Variants in KRT5 observed in about 807,000 individuals in gnomAD.
KRT5 encodes the protein keratin 5.
In KRT5, 17 loss-of-function variants were observed where a neutral mutation model predicts 44.0. The observed-to-expected ratio is 0.39, with a 90% CI of 0.26 to 0.58. The LOEUF is 0.58. KRT5 is among the 20% of genes least tolerant of loss of function. The probability of loss-of-function intolerance (pLI) is 0.61; values close to 1 mark genes in which losing one functional copy is unlikely to be tolerated. For synonymous variants in KRT5, 329 were observed against 312.8 expected, an observed-to-expected ratio of 1.05 and a Z score of -0.55; for missense variants, 737 against 785.5, an observed-to-expected ratio of 0.94 and a Z score of 0.74.
chr12:52,519,646 A>T, intron 1 of KRT5, 96 bp downstream of exon 1: 1 of 1,265,840 alleles, frequency 7.9e-7, no homozygotes, highest in Middle Eastern at 2.6e-4. Context: ...ACAACTATAA[A>T]AGTATTTGCA....
At position 52,515,769 on chromosome 12, in the gene KRT5, G is replaced by A. The variant is rs373091255; in HGVS notation, c.1474+29C>T. ...ACTAAATATATCCCATATTATTGTCGTTGTTAATGTCTGTTCAAAGCTACT... is the reference window on the plus strand; with the variant it reads ...ACTAAATATATCCCATATTATTGTCATTGTTAATGTCTGTTCAAAGCTACT... On this transcript the variant is annotated intron_variant, in intron 8 of 8. Coordinates refer to ENST00000252242, the MANE Select transcript of KRT5 (RefSeq NM_000424.4). The A allele has an allele frequency of 1.5e-4, 237 of 1,580,524 alleles. 2 individuals carry two copies. Among genetic ancestry groups the A allele is most frequent in the South Asian group, 7.2e-4 (65 of 90,408 alleles).
Position 52,520,098 on chromosome 12 carries a change from T to C in KRT5, c.199A>G (p.Asn67Asp). Residue 67 changes from asparagine (N) to aspartate (D), a missense_variant, in exon 1 of 9, where the codon AAC becomes GAC. By Grantham distance (23) the Asn-to-Asp change is conservative. Coordinates refer to ENST00000252242, the MANE Select transcript of KRT5 (RefSeq NM_000424.4). The part of the protein sequence containing the change: ...VGGYGSRSLY[N>D]LGGSKRISIS... ...GATATCCTCTTGGAGCCCCCCAGGT[T>C]GTAGAGGCTCCGGCTGCCATAGCCA... The C allele has an allele frequency of 6.2e-7, 1 of 1,613,830 alleles. No individual in the cohort carries two copies. Among genetic ancestry groups the C allele is most frequent in the Non-Finnish European group, 8.5e-7 (1 of 1,179,926 alleles).
At chr12:52,517,522 C>A in intron 5 of KRT5, 68 bp downstream of exon 5, 3 of 1,538,334 alleles carry the variant, frequency 2.0e-6, no homozygotes, top group South Asian at 1.1e-5. Context: ...TTCTTAGTGT[C>A]GTCATGGCCT....
At chr12:52,518,547 G>A (rs1938655106) in intron 2 of KRT5, 1 of 543,308 alleles carries the variant, frequency 1.8e-6, no homozygotes, top group Admixed American at 2.4e-5. Context: ...CTAGTTGCTG[G>A]TTCATAAGAC....
chr12:52,515,913 T>A (rs1938603427), intron 7 of KRT5, 81 bp from the exon 8 acceptor site: 7 of 1,193,440 alleles, frequency 5.9e-6, no homozygotes, highest in Non-Finnish European at 7.5e-6. Flanking sequence ...CCCATCCTCA[T>A]GATTCGAGTT....
chr12:52,515,877 G>C (rs1198364944), intron 7 of KRT5, 45 bp from the exon 8 acceptor site: 1 of 1,527,368 alleles, frequency 6.5e-7, no homozygotes, highest in Non-Finnish European at 9.1e-7. Context: ...CTCCCAAAAA[G>C]ACAGCATTAG....
intron 5 of KRT5, 67 bp downstream of exon 5, chr12:52,517,523 G>A (rs1218366457): frequency 1.4e-5 from 22 of 1,546,320 alleles, no homozygotes; most frequent in South Asian, 3.3e-5. Context: ...TCTTAGTGTC[G>A]TCATGGCCTA....
In KRT5 at chr12:52,517,191, G is replaced by C; in HGVS notation, c.1134C>G (p.Asp378Glu). 1 of 1,614,048 alleles carries C rather than the reference G, an allele frequency of 6.2e-7. No individual in the cohort carries two copies. Among genetic ancestry groups the C allele is most frequent in the East Asian group, 2.2e-5 (1 of 44,864 alleles). Reference protein sequence around the residue: ...LQQTAGRHGDDLRNTKHEISE... With the variant: ...LQQTAGRHGDELRNTKHEISE... Reference sequence around the variant, plus strand: ...AGATCTCATGCTTGGTGTTGCGGAGGTCATCGCCATGCCGGCCAGCTGTCT... The same window carrying C: ...AGATCTCATGCTTGGTGTTGCGGAGCTCATCGCCATGCCGGCCAGCTGTCT... Residue 378 changes from aspartate to glutamate, a missense_variant, in exon 6 of 9, where the codon GAC (aspartate) becomes GAG (glutamate). Asp to Glu is a conservative substitution (Grantham distance 45). Coordinates refer to ENST00000252242, the MANE Select transcript of KRT5 (RefSeq NM_000424.4).
At chr12:52,519,438 T>C (rs1352965495) in intron 1 of KRT5, 1 of 629,828 alleles carries the variant, frequency 1.6e-6, no homozygotes, top group Middle Eastern at 4.3e-4. Flanking sequence ...CTGCTGCCCA[T>C]GCACTTGTCT....
Position 52,519,832 on chromosome 12 carries a change from C to G in KRT5, c.465G>C (p.Leu155=), listed in dbSNP as rs1445452986. 4 of 1,613,994 alleles carry G rather than the reference C, an allele frequency of 2.5e-6. No homozygotes were observed. Among genetic ancestry groups the G allele is most frequent in the Non-Finnish European group, 3.4e-6 (4 of 1,180,014 alleles). The change falls in exon 1 of 9, where the codon CTG becomes CTC. Residue 155 remains leucine (L), a synonymous_variant. Coordinates refer to ENST00000252242, the MANE Select transcript of KRT5 (RefSeq NM_000424.4). ...CCCTCTGGATGCTGGGGTCGATTTG[C>G]AGGTTGAGGGGAGTCAGGAGACTCT... ...VNQSLLTPLN[L]QIDPSIQRVR... is the part of the protein sequence containing the mutation.
chr12:52,517,373 T>G (rs979265607), intron 5 of KRT5, 141 bp from the exon 6 acceptor site: 30 of 1,119,702 alleles, frequency 2.7e-5, no homozygotes, highest in Non-Finnish European at 4.0e-5. Context: ...GCTAGTCTAG[T>G]GCCTTTGCTC....
intron 1 of KRT5, chr12:52,519,419 G>A (rs1014186254): frequency 1.2e-4 from 76 of 642,190 alleles, no homozygotes; most frequent in Non-Finnish European, 1.8e-4. Context: ...GGCTGCAAAG[G>A]CACTCAGGCT....
At chr12:52,515,288 T>A in intron 8 of KRT5, 48 bp from the exon 9 acceptor site, 1 of 1,600,416 alleles carries the variant, frequency 6.2e-7, no homozygotes, top group Non-Finnish European at 8.5e-7. Context: ...GCCAGGCTGA[T>A]CCTGCATGGC....
intron 1 of KRT5, 187 bp downstream of exon 1, chr12:52,519,555 T>C: frequency 1.4e-6 from 1 of 709,926 alleles, no homozygotes; most frequent in Admixed American, 2.2e-5. Flanking sequence ...GAAGAAATAA[T>C]TCTCCCTTCC....
intron 5 of KRT5, 95 bp downstream of exon 5, chr12:52,517,494 CA>C (rs1428794592): frequency 4.3e-5 from 57 of 1,338,038 alleles, no homozygotes; most frequent in Non-Finnish European, 5.8e-5. Flanking sequence ...TGGGCTTCAG[CA>C]GGTTCCAGGA....
chr12:52,515,270 G>A (rs1309788575), intron 8 of KRT5, 30 bp from the exon 9 acceptor site: 1 of 1,602,500 alleles, frequency 6.2e-7, no homozygotes, highest in East Asian at 2.2e-5. Flanking sequence ...GACTCAGTGA[G>A]ACCATCTGCC....
At position 52,514,657 on chromosome 12, in the gene KRT5, G is replaced by C. The variant is rs2120466212; in HGVS notation, c.*285C>G. The C allele has an allele frequency of 2.2e-6, 1 of 464,464 alleles. No homozygotes were observed. Among genetic ancestry groups the C allele is most frequent in the East Asian group, 3.5e-5 (1 of 28,810 alleles). The allele number at this position is 464,464 out of a possible 1,614,324, so 28.8% of individuals were successfully genotyped here. A position where few individuals can be genotyped will look rare whatever the true frequency, so the allele number is the denominator to read the frequency against. Reference sequence around the variant, plus strand: ...AATTTGGGATTGGGGTGGGGATTCTGTTTTGATGATTTAGATTTGGGAAAA... The same window carrying C: ...AATTTGGGATTGGGGTGGGGATTCTCTTTTGATGATTTAGATTTGGGAAAA... On this transcript the variant is annotated 3_prime_UTR_variant, in exon 9 of 9. Transcript: ENST00000252242.
intron 5 of KRT5, 47 bp from the exon 6 acceptor site, chr12:52,517,279 G>A: frequency 6.2e-7 from 1 of 1,611,758 alleles, no homozygotes; most frequent in Non-Finnish European, 8.5e-7. Context: ...ATGAGAATGG[G>A]AAGAACTTTC....
rs920084258 is a variant in KRT5, at chr12:52,520,297, G to C, written c.-1C>G. On this transcript the variant is annotated 5_prime_UTR_variant, in exon 1 of 9. Coordinates refer to ENST00000252242, the MANE Select transcript of KRT5 (RefSeq NM_000424.4). ...AGGACACACTTGACTGGCGAGACAT[G>C]GTGGCTTGTTCCTGGTGGAGCAAGA... 6.2e-7 allele frequency: 1 copy of C among 1,612,740 alleles called. No homozygotes were observed. Among genetic ancestry groups the C allele is most frequent in the African/African-American group, 1.3e-5 (1 of 74,906 alleles).
Sources: gnomAD v4.1 joint callset for allele counts on GRCh38, gnomAD v4.1.1 for gene constraint, MANE v1.5 for transcripts, NCBI Gene and HGNC (gene_info 2026-07-23, HGNC 2026-07-21) for gene names.